Variants in PIAS1 observed in about 807,000 individuals in gnomAD.
PIAS1 encodes the protein protein inhibitor of activated STAT 1.
In PIAS1, 6 loss-of-function variants were observed where a neutral mutation model predicts 71.3. The observed-to-expected ratio is 0.08, with a 90% CI of 0.05 to 0.17. The LOEUF is 0.17. PIAS1 is among the 10% of genes least tolerant of loss of function. The pLI, the probability that PIAS1 is intolerant of heterozygous loss-of-function variation, is 1.00. For synonymous variants in PIAS1, 303 were observed against 292.9 expected (o/e 1.03, Z -0.35); for missense variants, 555 against 793.6 (o/e 0.70, Z 3.61).
chr15:68,095,414 A>C (rs764759102), intron 2 of PIAS1, among the ~76,000 whole-genome samples: 4 of 152,014 alleles, frequency 2.6e-5, no homozygotes, highest in Non-Finnish European at 5.9e-5. Context: ...GGTAGATAGG[A>C]TAATGTAACA....
rs73423781 is a variant in PIAS1 at position 68,151,707 on chromosome 15, C to A, written c.829-1883C>A. 6.5e-4 allele frequency among the ~76,000 whole-genome samples: 87 copies of A among 134,504 alleles called. 1 individual carries two copies. Among genetic ancestry groups the A allele is most frequent in the African/African-American group, 1.8e-3 (65 of 36,226 alleles). 88.2% of individuals were successfully genotyped at this position (134,504 alleles called of 152,430 possible). ...AAACACACACACACACACACACACACAAATTAGCTAGATATGGTGGTGCAC... is the reference window on the plus strand; with the variant it reads ...AAACACACACACACACACACACACAAAAATTAGCTAGATATGGTGGTGCAC... On this transcript the variant is annotated intron_variant, in intron 6 of 13. Transcript: ENST00000249636.
chr15:68,110,201 A>G (rs1294042133), intron 2 of PIAS1, among the ~76,000 whole-genome samples: 1 of 152,252 alleles, frequency 6.6e-6, no homozygotes, highest in Admixed American at 6.5e-5. Flanking sequence ...ACAATAAAAA[A>G]GAAAACAAAA....
At chr15:68,137,548 C>T (rs1356602652) in intron 2 of PIAS1, among the ~76,000 whole-genome samples, 1 of 152,000 alleles carries the variant, frequency 6.6e-6, no homozygotes, top group Non-Finnish European at 1.5e-5. Context: ...AGGAGTACAG[C>T]ACCGAGATCA....
rs534547176 is a variant in PIAS1 at position 68,191,715 on chromosome 15, A to G, written c.*3880A>G. Reference sequence around the variant, plus strand: ...TTTAGTATCTGCAGTTTGAATGCTAAGAGCACCGTGGCCTTCTTGTAAACA... The same window carrying G: ...TTTAGTATCTGCAGTTTGAATGCTAGGAGCACCGTGGCCTTCTTGTAAACA... On this transcript the variant is annotated 3_prime_UTR_variant, in exon 14 of 14. Transcript: ENST00000249636. The G allele has an allele frequency of 8.5e-5, 13 of 152,514 alleles. No homozygotes were observed. Among genetic ancestry groups the G allele is most frequent in the African/African-American group, 2.9e-4 (12 of 41,596 alleles). 9.4% of individuals were successfully genotyped at this position (152,514 alleles called of 1,614,324 possible).
chr15:68,143,078 T>C (rs899222087), intron 4 of PIAS1, among the ~76,000 whole-genome samples: 3 of 151,652 alleles, frequency 2.0e-5, no homozygotes, highest in Non-Finnish European at 3.0e-5. Flanking sequence ...TATATACATA[T>C]ATATATATAT....
At position 68,188,457 on chromosome 15, in the gene PIAS1, G is replaced by A. The variant is rs951067200; in HGVS notation, c.*622G>A. ...TGTGTGCGTCTGTATGTATTTTTCT[G>A]TCATCACTGTTCCCTCTCCTCCCGA... On this transcript the variant is annotated 3_prime_UTR_variant, in exon 14 of 14. Coordinates refer to ENST00000249636, the MANE Select transcript of PIAS1 (RefSeq NM_016166.3). 4 of 152,378 alleles carry A rather than the reference G, an allele frequency of 2.6e-5. No individual in the cohort carries two copies. The highest frequency in any genetic ancestry group is 4.4e-5 in the Non-Finnish European group (3 of 68,242). The allele number at this position is 152,378 out of a possible 1,614,324, so 9.4% of individuals were successfully genotyped here. A position where few individuals can be genotyped will look rare whatever the true frequency, so the allele number is the denominator to read the frequency against.
chr15:68,080,057 C>T (rs971844077), intron 1 of PIAS1, among the ~76,000 whole-genome samples: 7 of 152,098 alleles, frequency 4.6e-5, no homozygotes, highest in Non-Finnish European at 7.4e-5. Context: ...GTCTCAAACT[C>T]CTGACCTCAA....
intron 11 of PIAS1, among the ~76,000 whole-genome samples, chr15:68,179,820 C>T (rs902642116): frequency 6.6e-6 from 1 of 151,778 alleles, no homozygotes; most frequent in Non-Finnish European, 1.5e-5. Context: ...TCAGGTGATC[C>T]ATGCGCCTTG....
rs763968532 is a variant in PIAS1 at position 68,054,356 on chromosome 15, G to A, written c.24+6G>A. ...CGGACAGTGCGGAACTAAAGGTAAA[G>A]CGCAGCTCGAATTCACTTCTAATAT... is the stretch of plus-strand genomic sequence containing the variant. On this transcript the variant is annotated splice_donor_region_variant and intron_variant, in intron 1 of 13. Coordinates refer to ENST00000249636, the MANE Select transcript of PIAS1 (RefSeq NM_016166.3). The surrounding 1 kb of genome is among the most constrained non-coding windows in gnomAD (Gnocchi z 4.6). 37 of 1,574,232 alleles carry A rather than the reference G, an allele frequency of 2.4e-5. No homozygotes were observed. Among genetic ancestry groups the A allele is most frequent in the Non-Finnish European group, 3.1e-5 (36 of 1,160,474 alleles).
intron 2 of PIAS1, among the ~76,000 whole-genome samples, chr15:68,088,176 G>GTATGTATA (rs1555424823): frequency 1.8e-4 from 13 of 73,006 alleles, no homozygotes; most frequent in African/African-American, 8.1e-4. Context: ...TTATGTGTGT[G>GTATGTATA]TATATATATA....
At chr15:68,097,907 T>A (rs1402302957) in intron 2 of PIAS1, among the ~76,000 whole-genome samples, 2 of 152,330 alleles carry the variant, frequency 1.3e-5, no homozygotes, top group African/African-American at 4.8e-5. Flanking sequence ...GAGGAGTAAA[T>A]AACATTTTCC....
At chr15:68,056,334 A>G (rs1223613291) in intron 1 of PIAS1, among the ~76,000 whole-genome samples, 2 of 152,224 alleles carry the variant, frequency 1.3e-5, no homozygotes, top group Non-Finnish European at 2.9e-5. Context: ...GTTCTTTCTC[A>G]TTTTAAGAAA....
chr15:68,055,117 GA>G (rs2091881904), intron 1 of PIAS1: 3 of 685,208 alleles, frequency 4.4e-6, no homozygotes, highest in South Asian at 6.5e-5. Flanking sequence ...GCAGTGTTGG[GA>G]GGGGGGGATG....
chr15:68,158,403 CTTTG>C (rs2092904688), intron 7 of PIAS1, among the ~76,000 whole-genome samples: 2 of 152,058 alleles, frequency 1.3e-5, no homozygotes, highest in South Asian at 2.1e-4. Context: ...TGTCATTATC[CTTTG>C]TTTCACTTTT....
chr15:68,074,093 A>T (rs980071750), intron 1 of PIAS1, among the ~76,000 whole-genome samples: 3 of 152,080 alleles, frequency 2.0e-5, no homozygotes. Flanking sequence ...GACTCTTGGG[A>T]TATAAGGAGA....
At chr15:68,140,187 A>G (rs73423773) in intron 2 of PIAS1, among the ~76,000 whole-genome samples, 2 of 152,150 alleles carry the variant, frequency 1.3e-5, no homozygotes, top group African/African-American at 4.8e-5. Flanking sequence ...TATTTTAGTT[A>G]TATCTTCTCT....
At position 68,193,721 on chromosome 15, in the gene PIAS1, C is replaced by G. The variant is rs1168600361; in HGVS notation, c.*5886C>G. 2 of 314,434 alleles carry G rather than the reference C, an allele frequency of 6.4e-6. No homozygotes were observed. The highest frequency in any genetic ancestry group is 1.2e-5 in the Non-Finnish European group (2 of 168,218). The allele number at this position is 314,434 out of a possible 1,614,324, so 19.5% of individuals were successfully genotyped here. On this transcript the variant is annotated 3_prime_UTR_variant, in exon 14 of 14. Coordinates refer to ENST00000249636, the MANE Select transcript of PIAS1 (RefSeq NM_016166.3). The stretch of plus-strand genomic sequence containing the variant: ...ATTTGCCCAAAGTCACAGTGGGAAG[C>G]AGCAGAGCCAGGACTGGAACCCAGG...
At chr15:68,092,664 G>T (rs1000276976) in intron 2 of PIAS1, among the ~76,000 whole-genome samples, 6 of 152,146 alleles carry the variant, frequency 3.9e-5, no homozygotes, top group Non-Finnish European at 8.8e-5. Context: ...TGGCCCTTAT[G>T]GATGAGATTA....
At chr15:68,057,974 C>CT (rs2091914655) in intron 1 of PIAS1, among the ~76,000 whole-genome samples, 1 of 152,188 alleles carries the variant, frequency 6.6e-6, no homozygotes, top group East Asian at 1.9e-4. Flanking sequence ...TGCTTAGTGG[C>CT]GAGTCCATAG....
Sources: allele counts gnomAD v4.1 joint callset (sites outside exome capture counted in the v4.1 genomes callset), GRCh38; gene constraint gnomAD v4.1.1; non-coding constraint Gnocchi (gnomAD v3.1); transcripts MANE v1.5; gene names NCBI Gene and HGNC (gene_info 2026-07-23, HGNC 2026-07-21).